The following ARL15 variants were observed in gnomAD, a reference collection of about 807,000 sequenced individuals.
ARL15 encodes the protein ARF like GTPase 15, also known as ADP-ribosylation factor-like protein 15.
ARL15 carries 19 observed loss-of-function variants against 25.2 expected under a neutral mutation model. The ratio of observed to expected loss-of-function variants is 0.75; its 90% confidence interval spans 0.53 to 1.10. The LOEUF (loss-of-function observed/expected upper bound fraction) is 1.10, where lower values mean the gene tolerates loss of function less well. Among genes scored for constraint, ARL15 ranks in the 50% least tolerant of loss-of-function variants. The probability of loss-of-function intolerance (pLI) is 0.00; values close to 1 mark genes in which losing one functional copy is unlikely to be tolerated. For synonymous variants in ARL15, 94 were observed against 86.8 expected (o/e 1.08, Z -0.46); for missense variants, 220 against 246.0 (o/e 0.89, Z 0.71).
At chr5:54,251,999 T>A (rs1757246247) in intron 1 of ARL15, among the ~76,000 whole-genome samples, 2 of 152,184 alleles carry the variant, frequency 1.3e-5, no homozygotes, top group South Asian at 4.1e-4. Flanking sequence ...GTTTAATGAA[T>A]AAATGAAAAA....
intron 4 of ARL15, among the ~76,000 whole-genome samples, chr5:53,895,795 T>C (rs1023533955): frequency 2.6e-5 from 4 of 152,234 alleles, no homozygotes; most frequent in African/African-American, 9.6e-5. Flanking sequence ...ATTCCATTTA[T>C]AAGTTTAATA....
At chr5:54,275,525 C>T (rs571117612) in intron 1 of ARL15, among the ~76,000 whole-genome samples, 136 of 152,152 alleles carry the variant, frequency 8.9e-4, no homozygotes, top group African/African-American at 3.1e-3. Flanking sequence ...AACAAACATA[C>T]GGGAGTGGTG....
At chr5:54,299,783 T>C (rs1016122733) in intron 1 of ARL15, among the ~76,000 whole-genome samples, 2 of 151,684 alleles carry the variant, frequency 1.3e-5, no homozygotes, top group Admixed American at 1.3e-4. Flanking sequence ...AGAGATGGGG[T>C]TTCATCATGT....
intron 4 of ARL15, among the ~76,000 whole-genome samples, chr5:53,894,893 A>G (rs1744826058): frequency 6.6e-6 from 1 of 152,212 alleles, no homozygotes; most frequent in African/African-American, 2.4e-5. Context: ...GGGTCTTAGT[A>G]GCAGAGGCCA....
chr5:54,277,987 A>G (rs1163823984), intron 1 of ARL15, among the ~76,000 whole-genome samples: 1 of 152,188 alleles, frequency 6.6e-6, no homozygotes, highest in African/African-American at 2.4e-5. Context: ...GAGAAGGGCA[A>G]GATTCACTGG....
chr5:54,250,141 C>A (rs1446566236), intron 1 of ARL15, among the ~76,000 whole-genome samples: 1 of 152,134 alleles, frequency 6.6e-6, no homozygotes, highest in African/African-American at 2.4e-5. Context: ...TGTCACATGG[C>A]AGGAGTGGGA....
chr5:54,045,164 T>C (rs1750467029), intron 4 of ARL15, among the ~76,000 whole-genome samples: 1 of 152,164 alleles, frequency 6.6e-6, no homozygotes, highest in Non-Finnish European at 1.5e-5. Context: ...CCAATACCAG[T>C]ATTATAAAGT....
intron 4 of ARL15, among the ~76,000 whole-genome samples, chr5:54,016,930 A>G (rs1749445066): frequency 6.6e-6 from 1 of 152,246 alleles, no homozygotes; most frequent in South Asian, 2.1e-4. Flanking sequence ...GATCGATTTC[A>G]TGGTTGGAAA....
At chr5:54,177,883 T>C (rs929455465) in intron 1 of ARL15, among the ~76,000 whole-genome samples, 4 of 152,192 alleles carry the variant, frequency 2.6e-5, no homozygotes, top group Non-Finnish European at 5.9e-5. Flanking sequence ...CTCTGAGAAG[T>C]GTTCAATTCC....
In ARL15 at chr5:53,906,745, T is replaced by C. The variant is rs1159342998; in HGVS notation, c.463-20032A>G. On this transcript the variant is annotated intron_variant, in intron 4 of 4. Transcript: ENST00000504924. ...ATGGTTTTTATGAAATATTATAAAT[T>C]AGACTTACAGTTTAGATTTAAGAAA... Among the ~76,000 whole-genome samples, 3 of 152,326 alleles carry C rather than the reference T, an allele frequency of 2.0e-5. No homozygotes were observed. The South Asian group carries it at 6.2e-4, about 32-fold the overall frequency.
At chr5:53,914,268 T>C (rs1408913822) in intron 4 of ARL15, among the ~76,000 whole-genome samples, 1 of 152,094 alleles carries the variant, frequency 6.6e-6, no homozygotes, top group East Asian at 1.9e-4. Context: ...CTCCAAAGAT[T>C]TACAATCTAA....
At chr5:53,996,094 A>C (rs1748660648) in intron 4 of ARL15, among the ~76,000 whole-genome samples, 1 of 152,202 alleles carries the variant, frequency 6.6e-6, no homozygotes, top group Admixed American at 6.5e-5. Context: ...GAGGATGTTC[A>C]GGCAGATGTT....
rs573403272 is a variant in ARL15, at chr5:53,910,079, G to C, written c.463-23366C>G. Among the ~76,000 whole-genome samples the C allele has an allele frequency of 7.2e-5, 11 of 152,258 alleles. No individual in the cohort carries two copies. In the South Asian group the frequency reaches 2.1e-3, roughly 29 times the overall value. On this transcript the variant is annotated intron_variant, in intron 4 of 4. Coordinates refer to ENST00000504924, the MANE Select transcript of ARL15 (RefSeq NM_019087.3). ...GGAAGGTGGGCAACCTTTCAGGCAGGCCAGAAGACCCTCAGGATTCTTAAC... is the reference window on the plus strand; with the variant it reads ...GGAAGGTGGGCAACCTTTCAGGCAGCCCAGAAGACCCTCAGGATTCTTAAC...
At chr5:54,103,173 G>A (rs1480646936) in intron 4 of ARL15, among the ~76,000 whole-genome samples, 1 of 150,362 alleles carries the variant, frequency 6.7e-6, no homozygotes, top group Non-Finnish European at 1.5e-5. Context: ...TTTTTTTTTT[G>A]TTGTCAAATA....
In ARL15 at chr5:54,236,407, GACACACACACACAC is replaced by G. The variant is rs72439978; in HGVS notation, c.49-64493_49-64480del. ...CCGAGTTGAACTGAAACTAAACACA[GACACACACACACAC>G]ACACACACACACACACACACACACA... On this transcript the variant is annotated intron_variant, in intron 1 of 4. Coordinates refer to ENST00000504924, the MANE Select transcript of ARL15 (RefSeq NM_019087.3). Among the ~76,000 whole-genome samples the G allele has an allele frequency of 8.5e-5, 12 of 140,726 alleles. No homozygotes were observed. The South Asian group carries it at 1.9e-3, about 22-fold the overall frequency. 92.3% of individuals were successfully genotyped at this position (140,726 alleles called of 152,430 possible). A position where few individuals can be genotyped will look rare whatever the true frequency, so the allele number is the denominator to read the frequency against.
chr5:53,950,411 A>G (rs1320111019), intron 4 of ARL15, among the ~76,000 whole-genome samples: 2 of 152,206 alleles, frequency 1.3e-5, no homozygotes, highest in African/African-American at 4.8e-5. Flanking sequence ...AATTTCTGTT[A>G]ACAGTAGGAG....
intron 4 of ARL15, among the ~76,000 whole-genome samples, chr5:53,976,834 G>A (rs4865796): frequency 0.72 from 109,789 of 152,026 alleles, 39,887 homozygotes; most frequent in East Asian, 0.86. Context: ...AAGAAGACGG[G>A]CAGCCCCTTC....
chr5:54,259,328 T>C (rs1757440893), intron 1 of ARL15, among the ~76,000 whole-genome samples: 1 of 152,140 alleles, frequency 6.6e-6, no homozygotes, highest in East Asian at 1.9e-4. Flanking sequence ...AGTTCTGTCA[T>C]CCATTCCTGA....
intron 1 of ARL15, among the ~76,000 whole-genome samples, chr5:54,303,246 G>A (rs1758658503): frequency 6.6e-6 from 1 of 152,146 alleles, no homozygotes; most frequent in Non-Finnish European, 1.5e-5. Flanking sequence ...ATGGGGCTGG[G>A]CACAGTGGCT....
Sources: allele counts gnomAD v4.1 joint callset (sites outside exome capture counted in the v4.1 genomes callset), GRCh38; gene constraint gnomAD v4.1.1; transcripts MANE v1.5; gene names NCBI Gene and HGNC (gene_info 2026-07-23, HGNC 2026-07-21).